The following CPED1 variants were observed in gnomAD, a reference collection of about 807,000 sequenced individuals.
CPED1 encodes cadherin like and PC-esterase domain containing 1, also known as cadherin-like and PC-esterase domain-containing protein 1.
CPED1 carries 114 observed loss-of-function variants against 128.2 expected under a neutral mutation model. The observed-to-expected ratio is 0.89, with a 90% CI of 0.76 to 1.04. The LOEUF is 1.04. Ranked by LOEUF, CPED1 falls within the 50% of genes least tolerant of loss-of-function variation. The pLI, the probability that CPED1 is intolerant of heterozygous loss-of-function variation, is 0.00. For synonymous variants in CPED1, 462 were observed against 426.7 expected, an observed-to-expected ratio of 1.08 and a Z score of -1.02; for missense variants, 1,211 against 1,207.1, an observed-to-expected ratio of 1.00 and a Z score of -0.05.
intron 16 of CPED1, among the ~76,000 whole-genome samples, chr7:121,196,095 G>T (rs1416550273): frequency 1.3e-5 from 2 of 152,044 alleles, no homozygotes; most frequent in Admixed American, 1.3e-4. Flanking sequence ...TACATTCTTT[G>T]CCAAGCATGT....
At chr7:121,289,219 C>T (rs1007760132) in intron 22 of CPED1, among the ~76,000 whole-genome samples, 1 of 152,160 alleles carries the variant, frequency 6.6e-6, no homozygotes, top group Non-Finnish European at 1.5e-5. Context: ...CAAGCAAAGC[C>T]AAACCTTCCA....
intron 5 of CPED1, 145 bp from the exon 6 acceptor site, chr7:121,097,554 G>T: frequency 1.2e-6 from 1 of 822,892 alleles, no homozygotes; most frequent in Non-Finnish European, 1.9e-6. Context: ...ATACTTAGTG[G>T]ATCCATTTTT....
At chr7:121,116,225 A>C (rs1321991718) in intron 7 of CPED1, among the ~76,000 whole-genome samples, 1 of 152,218 alleles carries the variant, frequency 6.6e-6, no homozygotes, top group Non-Finnish European at 1.5e-5. Context: ...AAGAAGTACG[A>C]ATGAGTAAAA....
At chr7:121,102,858 A>G (rs1033940552) in intron 7 of CPED1, among the ~76,000 whole-genome samples, 2 of 152,098 alleles carry the variant, frequency 1.3e-5, no homozygotes, top group African/African-American at 2.4e-5. Context: ...ACCAGTTCAC[A>G]ATAGCTCTAG....
intron 5 of CPED1, among the ~76,000 whole-genome samples, chr7:121,065,552 C>T (rs948873283): frequency 6.6e-6 from 1 of 152,118 alleles, no homozygotes; most frequent in African/African-American, 2.4e-5. Flanking sequence ...ATTTACATTT[C>T]AGAATGCTTG....
At position 121,099,903 on chromosome 7, in the gene CPED1, A is replaced by G. The variant is rs200929500; in HGVS notation, c.750-23A>G. ...CTCAACCCTACATTATGGAGCGCTA[A>G]CTATGTTTTTTTTTTTTTTTAGGAA... On this transcript the variant is annotated intron_variant, in intron 6 of 22. Coordinates refer to ENST00000310396, the MANE Select transcript of CPED1 (RefSeq NM_024913.5). 2.2e-4 allele frequency: 334 copies of G among 1,496,636 alleles called. 2 individuals carry two copies. The East Asian group carries it at 7.8e-3, about 35-fold the overall frequency. 92.7% of individuals were successfully genotyped at this position (1,496,636 alleles called of 1,614,324 possible).
intron 4 of CPED1, among the ~76,000 whole-genome samples, chr7:121,060,200 A>C (rs1470037607): frequency 2.6e-5 from 4 of 152,098 alleles, no homozygotes; most frequent in Non-Finnish European, 5.9e-5. Context: ...CCTGCAGCCC[A>C]CCATGCCTGA....
chr7:121,264,482 T>A (rs905238507), intron 18 of CPED1, among the ~76,000 whole-genome samples: 1 of 152,082 alleles, frequency 6.6e-6, no homozygotes, highest in Non-Finnish European at 1.5e-5. Flanking sequence ...GATCTATGAC[T>A]GAGTCCTTGA....
intron 7 of CPED1, among the ~76,000 whole-genome samples, chr7:121,105,521 G>A (rs1249605320): frequency 6.6e-6 from 1 of 152,104 alleles, no homozygotes; most frequent in African/African-American, 2.4e-5. Flanking sequence ...TAGAAAGAAT[G>A]TGAATAAAAG....
At chr7:121,229,524 C>T (rs1185381467) in intron 16 of CPED1, among the ~76,000 whole-genome samples, 1 of 151,258 alleles carries the variant, frequency 6.6e-6, no homozygotes, top group East Asian at 2.0e-4. Context: ...AAATGAAGGT[C>T]CTTGTAATGG....
intron 3 of CPED1, among the ~76,000 whole-genome samples, chr7:121,018,423 A>T (rs1792358964): frequency 6.6e-6 from 1 of 152,138 alleles, no homozygotes; most frequent in Admixed American, 6.6e-5. Flanking sequence ...AAACCTTCCC[A>T]AGTTGAGCAG....
chr7:121,157,822 A>G (rs1290538873), intron 16 of CPED1, among the ~76,000 whole-genome samples: 3 of 152,176 alleles, frequency 2.0e-5, no homozygotes, highest in African/African-American at 7.2e-5. Context: ...AAGTGAATGA[A>G]TAAAATGAGT....
At chr7:121,005,466 T>C (rs1791985519) in intron 2 of CPED1, among the ~76,000 whole-genome samples, 1 of 145,294 alleles carries the variant, frequency 6.9e-6, no homozygotes, top group Non-Finnish European at 1.5e-5. Context: ...TTGGGTCAAA[T>C]GGTATTTCTG....
chr7:121,159,401 A>C (rs1448449030), intron 16 of CPED1, among the ~76,000 whole-genome samples: 1 of 152,180 alleles, frequency 6.6e-6, no homozygotes, highest in Non-Finnish European at 1.5e-5. Flanking sequence ...AGGGCCTCTG[A>C]CTTGATCAGA....
At chr7:121,149,367 G>T (rs1041345433) in intron 16 of CPED1, among the ~76,000 whole-genome samples, 1 of 152,144 alleles carries the variant, frequency 6.6e-6, no homozygotes, top group Non-Finnish European at 1.5e-5. Context: ...TTTCAATCAT[G>T]ATCTGTTTCA....
At chr7:121,295,194 A>C (rs1189789827) in intron 22 of CPED1, among the ~76,000 whole-genome samples, 1 of 149,222 alleles carries the variant, frequency 6.7e-6, no homozygotes, top group African/African-American at 2.5e-5. Flanking sequence ...AAGATAAATC[A>C]TCTGAGACTG....
chr7:121,085,011 T>G (rs1381942181), intron 5 of CPED1, among the ~76,000 whole-genome samples: 1 of 152,232 alleles, frequency 6.6e-6, no homozygotes, highest in Non-Finnish European at 1.5e-5. Context: ...ATGCTCCCTT[T>G]GTCTCAGAGA....
intron 4 of CPED1, among the ~76,000 whole-genome samples, chr7:121,055,501 A>G (rs1447227055): frequency 6.6e-6 from 1 of 151,782 alleles, no homozygotes; most frequent in Non-Finnish European, 1.5e-5. Context: ...ATAGTTAATC[A>G]CACTAAATGT....
At chr7:121,092,239 G>A (rs1794591140) in intron 5 of CPED1, among the ~76,000 whole-genome samples, 1 of 152,182 alleles carries the variant, frequency 6.6e-6, no homozygotes, top group African/African-American at 2.4e-5. Context: ...CATTGTGGTA[G>A]CGAGAGAAAA....
Sources: allele counts gnomAD v4.1 joint callset (sites outside exome capture counted in the v4.1 genomes callset), GRCh38; gene constraint gnomAD v4.1.1; transcripts MANE v1.5; gene names NCBI Gene and HGNC (gene_info 2026-07-23, HGNC 2026-07-21).